MSANTD7: variants seen among roughly 807,000 people sequenced by gnomAD.
MSANTD7 encodes the protein zinc finger and SCAN domain containing 29.
At chr10:14,845,446 G>A in the MSANTD7 span, 1 of 985,436 alleles carries the variant, frequency 1.0e-6, no homozygotes, top group Non-Finnish European at 1.2e-6. Context: ...ACCATGAGTA[G>A]ACGGCAAGCG....
chr10:14,843,414 T>C, the MSANTD7 span: 1 of 1,550,866 alleles, frequency 6.4e-7, no homozygotes, highest in Non-Finnish European at 8.7e-7. Flanking sequence ...CCCACAGCCT[T>C]TTCAGAGGTG....
chr10:14,842,693 G>A, the MSANTD7 span: 39 of 1,536,202 alleles, frequency 2.5e-5, no homozygotes, highest in Non-Finnish European at 2.8e-5. This position sits in a 1 kb window ranked among gnomAD's most constrained non-coding sequence, Gnocchi z 5.2. Context: ...AGAGGGAACC[G>A]GCATTCTAAA....
the MSANTD7 span, chr10:14,844,505 G>T: frequency 1.0e-6 from 1 of 986,256 alleles, no homozygotes; most frequent in Non-Finnish European, 1.2e-6. Flanking sequence ...AGCACAACCT[G>T]TATTTGTACC....
chr10:14,838,492 T>C, the MSANTD7 span: 1 of 1,566,428 alleles, frequency 6.4e-7, no homozygotes, highest in South Asian at 1.2e-5. Flanking sequence ...TAGGGCTTCA[T>C]GACGGCCACC....
At chr10:14,844,519 A>C in the MSANTD7 span, 12 of 987,122 alleles carry the variant, frequency 1.2e-5, no homozygotes, top group Non-Finnish European at 1.4e-5. Flanking sequence ...TTGTACCTTA[A>C]TCTCTTACAT....
the MSANTD7 span, chr10:14,838,310 A>C: frequency 1.5e-6 from 2 of 1,303,780 alleles, no homozygotes; most frequent in Middle Eastern, 4.9e-4. Flanking sequence ...GGGAACGTGA[A>C]GCTCCGCGGT....
chr10:14,843,556 G>A, the MSANTD7 span: 5 of 1,550,596 alleles, frequency 3.2e-6, no homozygotes, highest in South Asian at 4.8e-5. Context: ...CTCTTCGAGA[G>A]CTGGTTTTGT....
At chr10:14,838,600 G>C in the MSANTD7 span, 1 of 802,790 alleles carries the variant, frequency 1.2e-6, no homozygotes, top group Non-Finnish European at 1.9e-6. Flanking sequence ...ACTCCGGAGC[G>C]AAGGGCCGGG....
At chr10:14,841,198 G>A in the MSANTD7 span, 2 of 152,070 alleles carry the variant, frequency 1.3e-5, no homozygotes, top group Non-Finnish European at 2.9e-5. Flanking sequence ...AACTATAGTT[G>A]TTTGGAGAGA....
At chr10:14,846,529 GAA>G in the MSANTD7 span, 1 of 985,262 alleles carries the variant, frequency 1.0e-6, no homozygotes, top group South Asian at 4.7e-5. Flanking sequence ...CAGTGTGCAA[GAA>G]AGCAAGCCAG....
the MSANTD7 span, chr10:14,840,175 A>G: frequency 1.7e-6 from 2 of 1,193,648 alleles, no homozygotes; most frequent in Non-Finnish European, 2.3e-6. Flanking sequence ...ATCAAATGAT[A>G]CTTTTAAATA....
the MSANTD7 span, chr10:14,842,117 C>T: frequency 6.6e-7 from 1 of 1,517,292 alleles, no homozygotes; most frequent in Non-Finnish European, 8.8e-7. The surrounding 1 kb of genome is among the most constrained non-coding windows in gnomAD (Gnocchi z 5.2). Context: ...AACTCTCATT[C>T]CCCTGTGGCC....
chr10:14,843,172 G>A, the MSANTD7 span, among the ~76,000 whole-genome samples: 3 of 152,180 alleles, frequency 2.0e-5, no homozygotes, highest in Non-Finnish European at 4.4e-5. Context: ...GTTCAGGAAG[G>A]CAAGGGAGAA....
the MSANTD7 span, chr10:14,844,511 G>T: frequency 1.0e-6 from 1 of 987,524 alleles, no homozygotes; most frequent in East Asian, 1.1e-4. Context: ...ACCTGTATTT[G>T]TACCTTAATC....
the MSANTD7 span, among the ~76,000 whole-genome samples, chr10:14,843,023 A>G: frequency 6.6e-6 from 1 of 152,336 alleles, no homozygotes; most frequent in South Asian, 2.1e-4. Context: ...TTCAAAAGCT[A>G]TGCCCCTGGC....
the MSANTD7 span, chr10:14,846,828 G>A: frequency 1.0e-6 from 1 of 985,412 alleles, no homozygotes. Flanking sequence ...TCAAGTAGGA[G>A]GAGGAAGAGA....
At chr10:14,838,637 C>G in the MSANTD7 span, 4 of 597,068 alleles carry the variant, frequency 6.7e-6, no homozygotes, top group African/African-American at 5.9e-5. Context: ...CCTGGCGATT[C>G]CTCCGGAAAG....
chr10:14,841,091 T>C, the MSANTD7 span: 39 of 152,308 alleles, frequency 2.6e-4, no homozygotes, highest in Admixed American at 6.5e-4. Flanking sequence ...CAGGTATCTC[T>C]TACCTGTTTA....
At chr10:14,843,344 T>C in the MSANTD7 span, 30 of 1,550,412 alleles carry the variant, frequency 1.9e-5, no homozygotes, top group Non-Finnish European at 2.6e-5. Flanking sequence ...AATGTTCTCT[T>C]TGCAACATTG....
Sources: allele counts gnomAD v4.1 joint callset (sites outside exome capture counted in the v4.1 genomes callset), GRCh38; gene constraint gnomAD v4.1.1; non-coding constraint Gnocchi (gnomAD v3.1); transcripts MANE v1.5; gene names NCBI Gene and HGNC (gene_info 2026-07-23, HGNC 2026-07-21).